The following CEP95 variants were observed in gnomAD, a reference collection of about 807,000 sequenced individuals.
CEP95 encodes the protein centrosomal protein of 95 kDa.
In CEP95, 98 loss-of-function variants were observed where a neutral mutation model predicts 111.2. The observed-to-expected ratio is 0.88, with a 90% CI of 0.75 to 1.04. The LOEUF (loss-of-function observed/expected upper bound fraction) is 1.04. CEP95 is among the 50% of genes least tolerant of loss of function. CEP95 has a pLI of 0.00. For synonymous variants in CEP95, 323 were observed against 327.1 expected (o/e 0.99, Z 0.14); for missense variants, 1,027 against 977.2 (o/e 1.05, Z -0.68).
At chr17:64,534,560 C>T (rs1242589584) in intron 16 of CEP95, 25 bp from the exon 17 acceptor site, 1 of 1,606,990 alleles carries the variant, frequency 6.2e-7, no homozygotes, top group Non-Finnish European at 8.5e-7. Flanking sequence ...TTACCCTTCT[C>T]TTCCCTCCCC....
chr17:64,507,444 C>T (rs2038615846), intron 1 of CEP95: 1 of 1,336,386 alleles, frequency 7.5e-7, no homozygotes, highest in African/African-American at 1.5e-5. Context: ...TCCGTGTGCC[C>T]TCCGCCCTTG....
At chr17:64,527,061 T>G in intron 10 of CEP95, 50 bp from the exon 11 acceptor site, 1 of 1,538,378 alleles carries the variant, frequency 6.5e-7, no homozygotes, top group Non-Finnish European at 8.9e-7. Flanking sequence ...CCTACGAATT[T>G]ACATTCTGCT....
chr17:64,523,305 A>T (rs1419077643), intron 8 of CEP95, among the ~76,000 whole-genome samples: 6 of 152,188 alleles, frequency 3.9e-5, no homozygotes, highest in African/African-American at 1.4e-4. Flanking sequence ...TGGGAAGCTG[A>T]TGTAGAGAGG....
At chr17:64,514,977 G>T (rs1169057323) in intron 4 of CEP95, among the ~76,000 whole-genome samples, 2 of 143,976 alleles carry the variant, frequency 1.4e-5, no homozygotes, top group Non-Finnish European at 2.9e-5. Flanking sequence ...AAAAATTGGG[G>T]TAGGCTCATC....
intron 11 of CEP95, among the ~76,000 whole-genome samples, chr17:64,528,939 G>A (rs139535987): frequency 1.1e-4 from 17 of 152,202 alleles, no homozygotes; most frequent in Non-Finnish European, 1.3e-4. Context: ...TCAGGACCCA[G>A]ATAGGTAAAA....
rs769661645 is a variant in CEP95 at position 64,534,671 on chromosome 17, ATAT to A, written c.2008_2010del (p.Tyr670del). Reference sequence around the variant, plus strand: ...GACAGCAAATCGTTCGTGCTCGAAAATATTATGATGATTATAGAGTTCAGTTGT... The same window carrying A: ...GACAGCAAATCGTTCGTGCTCGAAAATATGATGATTATAGAGTTCAGTTGT... On this transcript the variant is annotated inframe_deletion, in exon 17 of 20. Coordinates refer to ENST00000556440, the MANE Select transcript of CEP95 (RefSeq NM_138363.3). 1,643 of 1,613,722 alleles carry A rather than the reference ATAT, an allele frequency of 1.0e-3. 1 individual carries two copies. The highest frequency in any genetic ancestry group is 8.3e-4 in the Middle Eastern group (5 of 6,060).
At chr17:64,514,203 G>T in intron 3 of CEP95, 45 bp from the exon 4 acceptor site, 1 of 764,776 alleles carries the variant, frequency 1.3e-6, no homozygotes, top group South Asian at 1.7e-5. Context: ...GAAGCTTTCA[G>T]ATTTCATGGT....
At position 64,531,922 on chromosome 17, in the gene CEP95, AGGAAC is replaced by A; in HGVS notation, c.1573_1577del (p.Gly525SerfsTer4). On this transcript the variant is annotated frameshift_variant, in exon 14 of 20. Coordinates refer to ENST00000556440, the MANE Select transcript of CEP95 (RefSeq NM_138363.3). LOFTEE classifies it high-confidence loss of function. ...TATACAGAGGAGAAGCTGTTCGTAA[AGGAAC>A]TCCAGAATGTAGTCAGCCCTGGAAG... 1 of 1,605,572 alleles carries A rather than the reference AGGAAC, an allele frequency of 6.2e-7. No homozygotes were observed. The highest frequency in any genetic ancestry group is 8.5e-7 in the Non-Finnish European group (1 of 1,176,850).
intron 17 of CEP95, chr17:64,535,387 AGT>A (rs1241486186): frequency 1.3e-5 from 2 of 154,258 alleles, no homozygotes; most frequent in Non-Finnish European, 2.9e-5. Flanking sequence ...CCCTTTGAGC[AGT>A]GTGTTTTCCG....
Position 64,536,743 on chromosome 17 carries a change from G to A in CEP95, c.2212G>A (p.Asp738Asn), listed in dbSNP as rs1968683043. 1 of 1,596,676 alleles carries A rather than the reference G, an allele frequency of 6.3e-7. No individual in the cohort carries two copies. The highest frequency in any genetic ancestry group is 1.4e-5 in the African/African-American group (1 of 73,442). Residue 738 changes from aspartate to asparagine, a missense_variant, in exon 18 of 20, where the codon GAC (aspartate) becomes AAC (asparagine). Transcript: ENST00000556440. ...GGACTCCATGGAGAACTACTATAAG[G>A]ACCAGGTGGGCTCCTGGCACTTGCT... ...ELDSMENYYK[D>N]QFSLLAEAIS...
intron 6 of CEP95, among the ~76,000 whole-genome samples, chr17:64,521,084 A>G (rs1222636751): frequency 6.6e-6 from 1 of 152,094 alleles, no homozygotes; most frequent in Non-Finnish European, 1.5e-5. Context: ...CACAATACAA[A>G]AAATTAGCCA....
At chr17:64,517,083 G>A (rs1372005913) in intron 5 of CEP95, among the ~76,000 whole-genome samples, 1 of 151,536 alleles carries the variant, frequency 6.6e-6, no homozygotes, top group African/African-American at 2.4e-5. Flanking sequence ...GTCTCATTCT[G>A]TTGCCCAGGC....
At chr17:64,529,150 T>C in intron 11 of CEP95, 138 bp from the exon 12 acceptor site, 1 of 678,864 alleles carries the variant, frequency 1.5e-6, no homozygotes, top group Non-Finnish European at 2.5e-6. Flanking sequence ...CCATACCAAT[T>C]CAAGTTAGTT....
intron 12 of CEP95, 82 bp from the exon 13 acceptor site, chr17:64,530,844 A>C: frequency 4.2e-6 from 3 of 713,058 alleles, no homozygotes; most frequent in Non-Finnish European, 6.8e-6. Flanking sequence ...TTTACTAGAC[A>C]GGTGCTTTAA....
intron 8 of CEP95, among the ~76,000 whole-genome samples, chr17:64,523,968 T>C (rs9303473): frequency 0.26 from 40,290 of 152,124 alleles, 11,108 homozygotes; most frequent in African/African-American, 0.7. Context: ...GTGATACATT[T>C]TCATTATTTA....
intron 11 of CEP95, among the ~76,000 whole-genome samples, 163 bp from the exon 12 acceptor site, chr17:64,529,125 G>C (rs1265358178): frequency 1.3e-5 from 2 of 152,192 alleles, no homozygotes; most frequent in East Asian, 3.8e-4. Flanking sequence ...GCATTTGTCT[G>C]TTTACTTGGT....
intron 3 of CEP95, 59 bp downstream of exon 3, chr17:64,510,339 C>G: frequency 9.5e-7 from 1 of 1,057,422 alleles, no homozygotes; most frequent in Non-Finnish European, 1.4e-6. Context: ...ATTGTTAGAA[C>G]TGTAGACATT....
intron 12 of CEP95, among the ~76,000 whole-genome samples, chr17:64,530,722 G>A (rs1023673443): frequency 9.2e-5 from 14 of 152,044 alleles, no homozygotes; most frequent in African/African-American, 3.4e-4. Flanking sequence ...TGGTCAGGCT[G>A]GTCTTGAACT....
rs1272590139 is a variant in CEP95 at position 64,533,026 on chromosome 17, T to G, written c.1842+18T>G. 3 of 1,608,466 alleles carry G rather than the reference T, an allele frequency of 1.9e-6. No homozygotes were observed. The highest frequency in any genetic ancestry group is 2.5e-6 in the Non-Finnish European group (3 of 1,178,496). On this transcript the variant is annotated intron_variant, in intron 15 of 19. Coordinates refer to ENST00000556440, the MANE Select transcript of CEP95 (RefSeq NM_138363.3). The stretch of plus-strand genomic sequence containing the variant: ...AAGATGAAGTAAGTTACTGTCAGTC[T>G]TAAGCATAGGAATTTAAATGAGAAG...
Sources: gnomAD v4.1 joint callset for allele counts (sites outside exome capture counted in the v4.1 genomes callset) on GRCh38, gnomAD v4.1.1 for gene constraint, MANE v1.5 for transcripts, NCBI Gene and HGNC (gene_info 2026-07-23, HGNC 2026-07-21) for gene names.